The following FAM216A variants were observed in gnomAD, a reference collection of about 807,000 sequenced individuals.
FAM216A encodes protein FAM216A.
FAM216A carries 26 observed loss-of-function variants against 37.6 expected under a neutral mutation model. The ratio of observed to expected loss-of-function variants is 0.69; its 90% CI spans 0.51 to 0.96. The LOEUF (loss-of-function observed/expected upper bound fraction) is 0.96, where lower values mean the gene tolerates loss of function less well. Among genes scored for constraint, FAM216A ranks in the 40% least tolerant of loss-of-function variants. FAM216A has a pLI of 0.00. For missense variants in FAM216A, 326 were observed against 339.3 expected (o/e 0.96, Z 0.31); for synonymous variants, 110 against 121.7 (o/e 0.90, Z 0.64).
At chr12:110,481,130 T>C (rs1456332925) in intron 2 of FAM216A, among the ~76,000 whole-genome samples, 1 of 152,184 alleles carries the variant, frequency 6.6e-6, no homozygotes, top group Non-Finnish European at 1.5e-5. Context: ...TAATATTCCA[T>C]TGTTTGTATA....
chr12:110,470,107 T>G (rs1469554039), intron 1 of FAM216A, among the ~76,000 whole-genome samples: 1 of 151,730 alleles, frequency 6.6e-6, no homozygotes, highest in Non-Finnish European at 1.5e-5. Context: ...CTTTTTGTTT[T>G]TTTTTTTTTG....
At chr12:110,488,719 GA>G (rs2062791374) in intron 6 of FAM216A, among the ~76,000 whole-genome samples, 1 of 152,126 alleles carries the variant, frequency 6.6e-6, no homozygotes, top group African/African-American at 2.4e-5. Flanking sequence ...GTGGATGGCT[GA>G]AATCTTGGAT....
At chr12:110,479,373 A>C (rs1372962069) in intron 2 of FAM216A, among the ~76,000 whole-genome samples, 1 of 152,052 alleles carries the variant, frequency 6.6e-6, no homozygotes, top group Non-Finnish European at 1.5e-5. Context: ...TCCAAATTCC[A>C]ATCCAACAAA....
intron 6 of FAM216A, 46 bp from the exon 7 acceptor site, chr12:110,489,973 C>A: frequency 1.1e-6 from 1 of 930,884 alleles, no homozygotes; most frequent in Non-Finnish European, 1.7e-6. Flanking sequence ...GTACTTAGAG[C>A]TTTATTTCCA....
At chr12:110,485,845 C>T (rs2062773836) in intron 3 of FAM216A, among the ~76,000 whole-genome samples, 1 of 152,148 alleles carries the variant, frequency 6.6e-6, no homozygotes, top group Admixed American at 6.6e-5. Context: ...ATGAAAATCT[C>T]AAGTCAAAAT....
At position 110,488,325 on chromosome 12, in the gene FAM216A, C is replaced by T. The variant is rs543487464; in HGVS notation, c.703+382C>T. Among the ~76,000 whole-genome samples the T allele has an allele frequency of 5.4e-5, 8 of 149,398 alleles. No homozygotes were observed. In the East Asian group the frequency reaches 5.9e-4, roughly 11 times the overall value. ...ACTTGGGAGACTGAGGCAGGAGAAT[C>T]GATTGAACCTGGGAGGCGGAGGTTG... On this transcript the variant is annotated intron_variant, in intron 6 of 6. Transcript: ENST00000377673.
intron 2 of FAM216A, among the ~76,000 whole-genome samples, chr12:110,477,268 A>G (rs1313479562): frequency 6.6e-6 from 1 of 152,236 alleles, no homozygotes; most frequent in Non-Finnish European, 1.5e-5. Flanking sequence ...TGTAAAGGTA[A>G]AAGTATATGG....
chr12:110,471,858 A>G (rs186557874), intron 1 of FAM216A, among the ~76,000 whole-genome samples: 15 of 152,342 alleles, frequency 9.8e-5, no homozygotes, highest in Non-Finnish European at 1.0e-4. Context: ...TTAAGTTTAG[A>G]AAAGAAAAAG....
At chr12:110,488,351 G>C (rs1224141700) in intron 6 of FAM216A, among the ~76,000 whole-genome samples, 17 of 149,930 alleles carry the variant, frequency 1.1e-4, no homozygotes, top group African/African-American at 3.7e-4. Flanking sequence ...GCGGAGGTTG[G>C]AGTGAGCTGA....
In FAM216A at chr12:110,479,565, G is replaced by A. The variant is rs969428133; in HGVS notation, c.185-5513G>A. Reference sequence around the variant, plus strand: ...AAAAAAGAAGCCTAGTAGGCTGGGCGCAGTGGCTCACGCCTGTAATTCCAG... The same window carrying A: ...AAAAAAGAAGCCTAGTAGGCTGGGCACAGTGGCTCACGCCTGTAATTCCAG... On this transcript the variant is annotated intron_variant, in intron 2 of 6. Coordinates refer to ENST00000377673, the MANE Select transcript of FAM216A (RefSeq NM_013300.3). Among the ~76,000 whole-genome samples, 26 of 151,590 alleles carry A rather than the reference G, an allele frequency of 1.7e-4. 1 individual carries two copies. Among genetic ancestry groups the A allele is most frequent in the Middle Eastern group, 6.3e-3 (2 of 316 alleles).
Position 110,486,535 on chromosome 12 carries a change from T to C in FAM216A, c.438T>C (p.Gly146=). Residue 146 remains glycine (G), a splice_region_variant and synonymous_variant, in exon 5 of 7, where the codon GGT becomes GGC. Transcript: ENST00000377673. ...HVLQHSSQKP[G]VLTHHRSRLS... ...TTTAACAGGTGATTTGTATCACAGG[T>C]GTCCTCACTCATCACAGAAGCCGCC... 6.2e-7 allele frequency: 1 copy of C among 1,612,234 alleles called. No homozygotes were observed. Among genetic ancestry groups the C allele is most frequent in the Non-Finnish European group, 8.5e-7 (1 of 1,178,580 alleles).
chr12:110,475,401 C>T (rs2062709516), intron 2 of FAM216A, among the ~76,000 whole-genome samples: 1 of 152,066 alleles, frequency 6.6e-6, no homozygotes, highest in Non-Finnish European at 1.5e-5. Flanking sequence ...GCCACCATGC[C>T]TGGCTGATTT....
At chr12:110,477,019 C>T (rs1442497470) in intron 2 of FAM216A, among the ~76,000 whole-genome samples, 1 of 152,202 alleles carries the variant, frequency 6.6e-6, no homozygotes, top group Non-Finnish European at 1.5e-5. Context: ...CTACATCTGG[C>T]CCAGGCCTGT....
At chr12:110,475,073 A>G (rs535291683) in intron 2 of FAM216A, among the ~76,000 whole-genome samples, 5 of 152,276 alleles carry the variant, frequency 3.3e-5, no homozygotes, top group South Asian at 4.1e-4. Context: ...CACTTAGTTT[A>G]CTTCACTAAT....
At chr12:110,468,529 CG>C, upstream of FAM216A, 1 of 1,537,286 alleles carries the variant, frequency 6.5e-7, no homozygotes, top group Non-Finnish European at 8.7e-7. Context: ...TGCTTCGGTC[CG>C]TGGTTTGCGT....
rs1194036463 is a variant in FAM216A at position 110,486,595 on chromosome 12, T to C, written c.498T>C (p.Pro166=). 11 of 1,613,984 alleles carry C rather than the reference T, an allele frequency of 6.8e-6. No individual in the cohort carries two copies. Among genetic ancestry groups the C allele is most frequent in the Non-Finnish European group, 9.3e-6 (11 of 1,180,026 alleles). The part of the protein sequence containing the change: ...SSRYSQKQHY[P]CTTWRHQLER... Reference sequence around the variant, plus strand: ...GTTACTCACAGAAACAGCATTACCCTTGCACTACATGGCGACATCAACTGG... The same window carrying C: ...GTTACTCACAGAAACAGCATTACCCCTGCACTACATGGCGACATCAACTGG... The change falls in exon 5 of 7, where the codon CCT becomes CCC. Residue 166 remains proline (P), a synonymous_variant. Transcript: ENST00000377673.
intron 5 of FAM216A, 120 bp from the exon 6 acceptor site, chr12:110,487,741 G>C (rs1184665378): frequency 7.2e-6 from 5 of 693,062 alleles, no homozygotes; most frequent in Non-Finnish European, 1.3e-5. Context: ...GAATCTGGGT[G>C]CTGAAAGGGT....
chr12:110,481,996 CTAAATT>C (rs1431709085), intron 2 of FAM216A, among the ~76,000 whole-genome samples: 2 of 152,038 alleles, frequency 1.3e-5, no homozygotes, highest in Non-Finnish European at 1.5e-5. Context: ...GAAGAAATAA[CTAAATT>C]TAAAGTTTAA....
At position 110,487,956 on chromosome 12, in the gene FAM216A, A is replaced by T. The variant is rs375059887; in HGVS notation, c.703+13A>T. 44 of 1,457,058 alleles carry T rather than the reference A, an allele frequency of 3.0e-5. No homozygotes were observed. The African/African-American group carries it at 5.9e-4, about 20-fold the overall frequency. 90.3% of individuals were successfully genotyped at this position (1,457,058 alleles called of 1,614,324 possible). A position where few individuals can be genotyped will look rare whatever the true frequency, so the allele number is the denominator to read the frequency against. On this transcript the variant is annotated intron_variant, in intron 6 of 6. Coordinates refer to ENST00000377673, the MANE Select transcript of FAM216A (RefSeq NM_013300.3). ...TTCATGCAAACAGGTAAATGTGGAA[A>T]TTTAACAATATTCATTTTTTAAGAT...
Sources: gnomAD v4.1 joint callset for allele counts (sites outside exome capture counted in the v4.1 genomes callset) on GRCh38, gnomAD v4.1.1 for gene constraint, MANE v1.5 for transcripts, NCBI Gene and HGNC (gene_info 2026-07-23, HGNC 2026-07-21) for gene names.